NCAM1: variants seen among roughly 807,000 people sequenced by gnomAD.
NCAM1 encodes the protein neural cell adhesion molecule 1, also known as antigen recognized by monoclonal antibody 5.1H11.
In NCAM1, 14 loss-of-function variants were observed where a neutral mutation model predicts 109.8. That is an observed-to-expected ratio of 0.13 (90% CI 0.08 to 0.20). The LOEUF (loss-of-function observed/expected upper bound fraction) is 0.20, where lower values mean the gene tolerates loss of function less well. NCAM1 is among the 10% of genes least tolerant of loss of function. The probability of loss-of-function intolerance (pLI) is 1.00; values close to 1 mark genes in which losing one functional copy is unlikely to be tolerated. For missense variants in NCAM1, 774 were observed against 1,109.9 expected (o/e 0.70, Z 4.30); for synonymous variants, 418 against 442.9 (o/e 0.94, Z 0.70).
chr11:113,271,175 GC>G (rs1410525508), intron 18 of NCAM1, among the ~76,000 whole-genome samples: 1 of 151,912 alleles, frequency 6.6e-6, no homozygotes, highest in Non-Finnish European at 1.5e-5. Context: ...TTGGAGACCA[GC>G]CTGGCTAACA....
At chr11:113,004,586 A>G (rs1336196739) in intron 1 of NCAM1, among the ~76,000 whole-genome samples, 1 of 152,044 alleles carries the variant, frequency 6.6e-6, no homozygotes, top group African/African-American at 2.4e-5. Flanking sequence ...TCAGGCTTCC[A>G]ACGTTGATGT....
intron 1 of NCAM1, among the ~76,000 whole-genome samples, chr11:113,016,495 G>A (rs1273357038): frequency 6.6e-6 from 1 of 152,172 alleles, no homozygotes; most frequent in Non-Finnish European, 1.5e-5. Context: ...CCAGCCTTTA[G>A]GGTTCTGTAT....
Position 113,039,522 on chromosome 11 carries a change from G to T in NCAM1, c.52+77858G>T, listed in dbSNP as rs181799119. On this transcript the variant is annotated intron_variant, in intron 1 of 19. Coordinates refer to ENST00000316851, the MANE Select transcript of NCAM1 (RefSeq NM_181351.5). ...TTAACCAGACAAGTTGTACAATTTA[G>T]TTATGAAGCAAACCAAAAAGCAGAC... Among the ~76,000 whole-genome samples, 578 of 152,326 alleles carry T rather than the reference G, an allele frequency of 3.8e-3. 6 individuals are homozygous for T. The highest frequency in any genetic ancestry group is 0.031 in the Admixed American group (476 of 15,304).
At chr11:113,268,689 G>A (rs572625903) in intron 17 of NCAM1, among the ~76,000 whole-genome samples, 10 of 152,244 alleles carry the variant, frequency 6.6e-5, no homozygotes, top group East Asian at 5.8e-4. Context: ...CCACCCTCCC[G>A]CAAATACAGG....
chr11:112,998,299 A>T (rs920349156), intron 1 of NCAM1, among the ~76,000 whole-genome samples: 3 of 152,154 alleles, frequency 2.0e-5, no homozygotes, highest in Admixed American at 6.5e-5. Context: ...TGCCTGTAGG[A>T]CTGGAGACTC....
chr11:113,195,583 A>G lies in NCAM1; in HGVS notation c.53-6796A>G, dbSNP rs908827695. ...AGTGGCGCGATCTCGGCTCACTGCAAGCTCTGCCTCCTGGGTTCACGCCAT... is the reference window on the plus strand; with the variant it reads ...AGTGGCGCGATCTCGGCTCACTGCAGGCTCTGCCTCCTGGGTTCACGCCAT... On this transcript the variant is annotated intron_variant, in intron 1 of 19. Transcript: ENST00000316851. Among the ~76,000 whole-genome samples, 10 of 147,008 alleles carry G rather than the reference A, an allele frequency of 6.8e-5. 1 individual carries two copies. The highest frequency in any genetic ancestry group is 1.5e-4 in the Non-Finnish European group (10 of 67,516).
At chr11:113,180,173 CAT>C (rs1943288738) in intron 1 of NCAM1, among the ~76,000 whole-genome samples, 1 of 152,178 alleles carries the variant, frequency 6.6e-6, no homozygotes, top group South Asian at 2.1e-4. Context: ...CACTTCATCT[CAT>C]AGGCATTGAA....
intron 1 of NCAM1, among the ~76,000 whole-genome samples, chr11:112,991,620 C>T (rs1555070596): frequency 6.6e-6 from 1 of 152,106 alleles, no homozygotes; most frequent in African/African-American, 2.4e-5. Flanking sequence ...CTTACTTGAC[C>T]AGGTTCGCAC....
chr11:113,056,755 C>G (rs1003413572), intron 1 of NCAM1, among the ~76,000 whole-genome samples: 3 of 152,108 alleles, frequency 2.0e-5, no homozygotes, highest in Admixed American at 2.0e-4. Flanking sequence ...TGGCAGTTTG[C>G]GAGACCCTGA....
At chr11:113,100,183 C>G (rs184273564) in intron 1 of NCAM1, among the ~76,000 whole-genome samples, 70 of 152,262 alleles carry the variant, frequency 4.6e-4, no homozygotes, top group Non-Finnish European at 7.9e-4. Flanking sequence ...AGAAGAGTTA[C>G]TTGGTCCCCT....
At chr11:113,064,710 G>C (rs782060547) in intron 1 of NCAM1, among the ~76,000 whole-genome samples, 4 of 152,122 alleles carry the variant, frequency 2.6e-5, no homozygotes, top group Non-Finnish European at 5.9e-5. Flanking sequence ...CGAATTTCAA[G>C]TCAGCAAATT....
chr11:113,261,841 T>C (rs544638298), intron 17 of NCAM1, among the ~76,000 whole-genome samples: 1 of 152,282 alleles, frequency 6.6e-6, no homozygotes, highest in East Asian at 1.9e-4. Flanking sequence ...TTGGACCTGC[T>C]GTGTTCACAT....
chr11:113,019,671 T>C (rs1317281484), intron 1 of NCAM1, among the ~76,000 whole-genome samples: 4 of 152,220 alleles, frequency 2.6e-5, no homozygotes, highest in Non-Finnish European at 5.9e-5. Flanking sequence ...TTGGAACAGA[T>C]AACATCACCT....
intron 7 of NCAM1, among the ~76,000 whole-genome samples, chr11:113,208,973 A>G (rs182442213): frequency 4.7e-4 from 71 of 152,344 alleles, no homozygotes; most frequent in East Asian, 2.9e-3. Flanking sequence ...TGCTCACTTC[A>G]TCTTCATAAA....
chr11:113,253,167 G>A (rs1260566937), intron 15 of NCAM1, among the ~76,000 whole-genome samples: 2 of 152,030 alleles, frequency 1.3e-5, no homozygotes, highest in African/African-American at 4.8e-5. Context: ...CTTTCATCAG[G>A]GAAGTTGGTT....
chr11:113,255,597 G>GA (rs34738476), intron 15 of NCAM1, among the ~76,000 whole-genome samples: 53,107 of 92,918 alleles, frequency 0.57, 15,208 homozygotes, highest in Middle Eastern at 0.69. Context: ...TGAGACAGGG[G>GA]AAAAAAAAAA....
At chr11:113,214,223 G>A (rs1231865948) in intron 7 of NCAM1, 146 bp from the exon 8 acceptor site, 16 of 719,016 alleles carry the variant, frequency 2.2e-5, no homozygotes, top group South Asian at 2.1e-4. Flanking sequence ...AAGCCTTGGA[G>A]AGTCAGGTCT....
At chr11:113,197,170 C>A in intron 1 of NCAM1, 1 of 251,818 alleles carries the variant, frequency 4.0e-6, no homozygotes, top group Non-Finnish European at 8.7e-6. Context: ...AGGTCCCGTG[C>A]TTGACATGTG....
intron 9 of NCAM1, 86 bp downstream of exon 9, chr11:113,221,411 C>A: frequency 7.4e-7 from 1 of 1,357,586 alleles, no homozygotes; most frequent in Non-Finnish European, 1.0e-6. Context: ...ACCAGACATG[C>A]TAAACTAATT....
Sources: allele counts gnomAD v4.1 joint callset (sites outside exome capture counted in the v4.1 genomes callset), GRCh38; gene constraint gnomAD v4.1.1; transcripts MANE v1.5; gene names NCBI Gene and HGNC (gene_info 2026-07-23, HGNC 2026-07-21).